Variants in PEX10 observed in about 807,000 individuals in gnomAD.
The protein encoded by PEX10 is peroxisomal biogenesis factor 10.
A neutral mutation model predicts 38.0 loss-of-function variants in PEX10; 32 were observed. That is an observed-to-expected ratio of 0.84 (90% CI 0.63 to 1.13). The LOEUF (loss-of-function observed/expected upper bound fraction) is 1.13. PEX10 is among the 50% of genes most tolerant of loss of function. PEX10 has a pLI of 0.00. For synonymous variants in PEX10, 206 were observed against 207.3 expected, an observed-to-expected ratio of 0.99 and a Z score of 0.05; for missense variants, 483 against 457.7, an observed-to-expected ratio of 1.06 and a Z score of -0.51.
At chr1:2,411,013 A>C (rs528451537) in intron 1 of PEX10, 2 of 392,164 alleles carry the variant, frequency 5.1e-6, no homozygotes, top group East Asian at 1.4e-4. Context: ...TTCAGAATCC[A>C]CCAATGGCTG....
In PEX10 at chr1:2,410,061, A is replaced by C; in HGVS notation, c.193+310T>G. The C allele has an allele frequency of 2.5e-6, 1 of 394,054 alleles. No individual in the cohort carries two copies. The allele number at this position is 394,054 out of a possible 1,614,324, so 24.4% of individuals were successfully genotyped here. On this transcript the variant is annotated intron_variant, in intron 2 of 5. Transcript: ENST00000447513. The surrounding 1 kb of genome is among the most constrained non-coding windows in gnomAD (Gnocchi z 5.1). ...CACTGTCACACGGGCACTGCACCCT[A>C]TGACATGGCTCAGCACTGTGACTCA...
chr1:2,408,084 T>A (rs1472773571), intron 3 of PEX10, among the ~76,000 whole-genome samples: 1 of 151,986 alleles, frequency 6.6e-6, no homozygotes, highest in East Asian at 1.9e-4. Context: ...TGGGAGAAGC[T>A]GTTTGTTCCC....
At chr1:2,411,222 G>A (rs1643193256) in intron 1 of PEX10, among the ~76,000 whole-genome samples, 1 of 147,666 alleles carries the variant, frequency 6.8e-6, no homozygotes, top group African/African-American at 2.5e-5. Context: ...AAGACTTGAT[G>A]GCTTTGCCTT....
Position 2,406,877 on chromosome 1 carries a change from G to C in PEX10, c.619C>G (p.Pro207Ala). Residue 207 changes from proline to alanine, a missense_variant, in exon 4 of 6, where the codon CCC becomes GCC. Pro to Ala is a conservative substitution (Grantham distance 27, BLOSUM62 -1). Coordinates refer to ENST00000447513, the MANE Select transcript of PEX10 (RefSeq NM_002617.4). ...ACACGGGCCCTCAGGTCCTCTCCGG[G>C]CAGGCTGCGGACACGGAGCTGTAAG... ...GITYLRVRSL[P>A]GEDLRARVSY... 6.2e-7 allele frequency: 1 copy of C among 1,609,012 alleles called. No individual in the cohort carries two copies. Among genetic ancestry groups the C allele is most frequent in the Non-Finnish European group, 8.5e-7 (1 of 1,178,078 alleles).
rs1642972511 is a variant in PEX10 at position 2,405,635 on chromosome 1, G to A, written c.*131C>T. 7.0e-6 allele frequency: 6 copies of A among 854,888 alleles called. No homozygotes were observed. Among genetic ancestry groups the A allele is most frequent in the Non-Finnish European group, 7.6e-6 (4 of 522,912 alleles). The allele number at this position is 854,888 out of a possible 1,614,324, so 53.0% of individuals were successfully genotyped here. A position where few individuals can be genotyped will look rare whatever the true frequency, so the allele number is the denominator to read the frequency against. Reference sequence around the variant, plus strand: ...TTCTGTTCTCTCCCAGGGTGGCTAGGTTAGTATCTTACATGACAAAAAACT... The same window carrying A: ...TTCTGTTCTCTCCCAGGGTGGCTAGATTAGTATCTTACATGACAAAAAACT... On this transcript the variant is annotated 3_prime_UTR_variant, in exon 6 of 6. Coordinates refer to ENST00000447513, the MANE Select transcript of PEX10 (RefSeq NM_002617.4).
upstream of PEX10, among the ~76,000 whole-genome samples, chr1:2,413,077 G>A (rs1194127581): frequency 6.6e-6 from 1 of 152,262 alleles, no homozygotes; most frequent in Non-Finnish European, 1.5e-5. Context: ...GGCCAGTTCC[G>A]GGGAGCCGGT....
chr1:2,409,745 T>C lies in PEX10; in HGVS notation c.193+626A>G, dbSNP rs1424419746. On this transcript the variant is annotated intron_variant, in intron 2 of 5. Transcript: ENST00000447513. The surrounding 1 kb of genome is among the most constrained non-coding windows in gnomAD (Gnocchi z 6.2). ...CTTCTCAGGGCCTTTCCCGGCTGCT[T>C]GCTCTGCCGGTCTGGAAAATGCTCT... The C allele has an allele frequency of 6.4e-6, 1 of 155,076 alleles. No homozygotes were observed. Among genetic ancestry groups the C allele is most frequent in the East Asian group, 1.9e-4 (1 of 5,254 alleles). 9.6% of individuals were successfully genotyped at this position (155,076 alleles called of 1,614,324 possible). A position where few individuals can be genotyped will look rare whatever the true frequency, so the allele number is the denominator to read the frequency against.
At chr1:2,408,415 G>A (rs532243871) in intron 3 of PEX10, 37 bp downstream of exon 3, 9 of 1,610,312 alleles carry the variant, frequency 5.6e-6, no homozygotes, top group Admixed American at 3.3e-5. Flanking sequence ...TGACAAGGAC[G>A]GCCTAAGCAG....
rs1643150120 is a variant in PEX10, at chr1:2,410,476, CG to C, written c.113-26del. 1.9e-6 allele frequency: 3 copies of C among 1,608,592 alleles called. No homozygotes were observed. The highest frequency in any genetic ancestry group is 2.2e-5 in the South Asian group (2 of 90,700). On this transcript the variant is annotated intron_variant, in intron 1 of 5. Coordinates refer to ENST00000447513, the MANE Select transcript of PEX10 (RefSeq NM_002617.4). This position sits in a 1 kb window ranked among gnomAD's most constrained non-coding sequence, Gnocchi z 5.1. ...CCTGAGAGGAGAAACAGTATTAGTCCGGGGGAGCTGGTGGGCATCCTCTGAG... is the reference window on the plus strand; with the variant it reads ...CCTGAGAGGAGAAACAGTATTAGTCCGGGGAGCTGGTGGGCATCCTCTGAG...
At chr1:2,412,334 G>T in intron 1 of PEX10, 57 bp downstream of exon 1, 1 of 1,309,826 alleles carries the variant, frequency 7.6e-7, no homozygotes, top group South Asian at 2.0e-5. Flanking sequence ...CCGCCTCCAT[G>T]AGGGGCAACA....
chr1:2,404,441 G>A lies in PEX10; in HGVS notation c.*1325C>T, dbSNP rs1337138968. ...AAGCGCTCAGGCCTAAGGTGTGACAGGAAGTCGCACGCGCTTGGCCAGAGC... is the reference window on the plus strand; with the variant it reads ...AAGCGCTCAGGCCTAAGGTGTGACAAGAAGTCGCACGCGCTTGGCCAGAGC... On this transcript the variant is annotated 3_prime_UTR_variant, in exon 6 of 6. Transcript: ENST00000447513. 1.3e-5 allele frequency: 2 copies of A among 152,244 alleles called. No homozygotes were observed. Among genetic ancestry groups the A allele is most frequent in the African/African-American group, 4.8e-5 (2 of 41,444 alleles). 9.4% of individuals were successfully genotyped at this position (152,244 alleles called of 1,614,324 possible). A position where few individuals can be genotyped will look rare whatever the true frequency, so the allele number is the denominator to read the frequency against.
At position 2,412,397 on chromosome 1, in the gene PEX10, G is replaced by C; in HGVS notation, c.106C>G (p.Leu36Val). 7.2e-7 allele frequency: 1 copy of C among 1,393,444 alleles called. No homozygotes were observed. Among genetic ancestry groups the C allele is most frequent in the Non-Finnish European group, 9.3e-7 (1 of 1,079,090 alleles). The allele number at this position is 1,393,444 out of a possible 1,614,324, so 86.3% of individuals were successfully genotyped here. The change falls in exon 1 of 6, where the codon CTG becomes GTG. Residue 36 changes from leucine to valine, a missense_variant. By Grantham distance (32) the Leu-to-Val change is conservative. Coordinates refer to ENST00000447513, the MANE Select transcript of PEX10 (RefSeq NM_002617.4). Reference protein sequence around the residue: ...RSAAGGALHSLAGARKWLEWR... With the variant: ...RSAAGGALHSVAGARKWLEWR... The stretch of plus-strand genomic sequence containing the variant: ...GGCCGCGCCCGGCCCTCACCCGCCA[G>C]GCTGTGCAGGGCGCCGCCCGCCGCG...
At chr1:2,413,382 G>T (rs975106548), upstream of PEX10, among the ~76,000 whole-genome samples, 3 of 152,226 alleles carry the variant, frequency 2.0e-5, no homozygotes, top group African/African-American at 7.2e-5. Flanking sequence ...GCTCCCAGGG[G>T]ACGAGCGGAG....
chr1:2,413,111 G>A (rs951212619), upstream of PEX10, among the ~76,000 whole-genome samples: 9 of 152,250 alleles, frequency 5.9e-5, no homozygotes, highest in Admixed American at 1.3e-4. Flanking sequence ...AGAGGGGCAC[G>A]AGGCGAGACC....
rs776816396 is a variant in PEX10 at position 2,409,085 on chromosome 1, C to T, written c.194-227G>A. On this transcript the variant is annotated intron_variant, in intron 2 of 5. Transcript: ENST00000447513. The surrounding 1 kb of genome is among the most constrained non-coding windows in gnomAD (Gnocchi z 6.2). The stretch of plus-strand genomic sequence containing the variant: ...AGGCCCGGCCAATGGCTGCCCTTGG[C>T]TCCCAGGGCCTTGGCTGGCCAGTGT... 1.2e-4 allele frequency among the ~76,000 whole-genome samples: 18 copies of T among 151,720 alleles called. No individual in the cohort carries two copies. Among genetic ancestry groups the T allele is most frequent in the Non-Finnish European group, 2.4e-4 (16 of 68,026 alleles).
In PEX10 at chr1:2,412,529, A is replaced by AGCCACGCCG. The variant is rs1417206918; in HGVS notation, c.-36_-28dup. The AGCCACGCCG allele has an allele frequency of 3.8e-6, 5 of 1,318,566 alleles. No individual in the cohort carries two copies. The highest frequency in any genetic ancestry group is 3.1e-5 in the African/African-American group (2 of 64,474). The allele number at this position is 1,318,566 out of a possible 1,614,324, so 81.7% of individuals were successfully genotyped here. ...GCCGCGGGTTCGGGTGGTCCCGAGC[A>AGCCACGCCG]GCCACGCCGGCCACGCCCACGCCCA... On this transcript the variant is annotated 5_prime_UTR_variant, in exon 1 of 6. Coordinates refer to ENST00000447513, the MANE Select transcript of PEX10 (RefSeq NM_002617.4).
In PEX10 at chr1:2,408,490, A is replaced by G. The variant is rs1347590525; in HGVS notation, c.562T>C (p.Phe188Leu). 1 of 1,612,984 alleles carries G rather than the reference A, an allele frequency of 6.2e-7. No individual in the cohort carries two copies. Among genetic ancestry groups the G allele is most frequent in the South Asian group, 1.1e-5 (1 of 91,084 alleles). ...GTGAGCCTCTTGGCCAGGTGGTAGA[A>G]GACACCGTGGATGTAAAACCAGGCA... ...HVAWFYIHGV[F>L]YHLAKRLTGI... The change falls in exon 3 of 6, where the codon TTC (phenylalanine) becomes CTC (leucine). Residue 188 changes from phenylalanine (F) to leucine (L), a missense_variant. Physicochemically the swap from Phe to Leu is conservative, Grantham distance 22 (BLOSUM62 0). Coordinates refer to ENST00000447513, the MANE Select transcript of PEX10 (RefSeq NM_002617.4).
intron 3 of PEX10, among the ~76,000 whole-genome samples, chr1:2,407,238 C>A (rs1212297932): frequency 1.3e-5 from 2 of 152,192 alleles, no homozygotes; most frequent in South Asian, 2.1e-4. Context: ...AAATGTGGGG[C>A]TGCAGACGCT....
At chr1:2,406,452 C>T (rs1333612367) in intron 5 of PEX10, 32 bp downstream of exon 5, 7 of 1,607,642 alleles carry the variant, frequency 4.4e-6, no homozygotes, top group Non-Finnish European at 5.9e-6. Flanking sequence ...AGCCGCTGAC[C>T]ACCCCAGGAC....
Sources: allele counts gnomAD v4.1 joint callset (sites outside exome capture counted in the v4.1 genomes callset), GRCh38; gene constraint gnomAD v4.1.1; non-coding constraint Gnocchi (gnomAD v3.1); transcripts MANE v1.5; gene names NCBI Gene and HGNC (gene_info 2026-07-23, HGNC 2026-07-21).